Variants in VWA3A observed in about 807,000 individuals in gnomAD.
VWA3A encodes the protein von Willebrand factor A domain-containing protein 3A.
In VWA3A, 134 loss-of-function variants were observed where a neutral mutation model predicts 160.4. The ratio of observed to expected loss-of-function variants is 0.84; its 90% CI spans 0.73 to 0.96. VWA3A has a LOEUF of 0.96. Ranked by LOEUF, VWA3A falls within the 40% of genes least tolerant of loss-of-function variation. The pLI is 0.00. For missense variants in VWA3A, 1,310 were observed against 1,447.9 expected, an observed-to-expected ratio of 0.90 and a Z score of 1.55; for synonymous variants, 476 against 543.4, an observed-to-expected ratio of 0.88 and a Z score of 1.72.
At chr16:22,152,472 A>C in intron 30 of VWA3A, 39 bp from the exon 31 acceptor site, 4 of 1,607,532 alleles carry the variant, frequency 2.5e-6, no homozygotes, top group Non-Finnish European at 3.4e-6. Context: ...TTGCCTGGTC[A>C]GTCAGCCTTC....
chr16:22,115,603 A>G, intron 9 of VWA3A, 131 bp downstream of exon 9: 1 of 1,043,050 alleles, frequency 9.6e-7, no homozygotes, highest in Non-Finnish European at 1.3e-6. Context: ...AGGCCGAGAC[A>G]GGAGGATTGC....
intron 27 of VWA3A, among the ~76,000 whole-genome samples, chr16:22,147,319 C>T (rs1397100600): frequency 6.6e-6 from 1 of 152,144 alleles, no homozygotes; most frequent in African/African-American, 2.4e-5. Context: ...CTACTGTGTA[C>T]CTCTTTACAG....
intron 1 of VWA3A, among the ~76,000 whole-genome samples, chr16:22,093,878 C>T (rs954651639): frequency 1.3e-5 from 2 of 152,086 alleles, no homozygotes; most frequent in Non-Finnish European, 2.9e-5. Flanking sequence ...GACCTGCCCA[C>T]CCCATCCTCC....
chr16:22,137,550 G>T (rs1361788098), intron 21 of VWA3A, among the ~76,000 whole-genome samples: 1 of 152,182 alleles, frequency 6.6e-6, no homozygotes, highest in Non-Finnish European at 1.5e-5. Flanking sequence ...AGATATGCAT[G>T]GCAAGTCAAT....
chr16:22,096,720 G>A (rs1364819741), intron 1 of VWA3A, 139 bp from the exon 2 acceptor site: 6 of 593,518 alleles, frequency 1.0e-5, no homozygotes. Flanking sequence ...ACTCCAGCCT[G>A]GGCAACTAAG....
intron 30 of VWA3A, 88 bp from the exon 31 acceptor site, chr16:22,152,423 G>A (rs1025272898): frequency 1.3e-5 from 20 of 1,529,886 alleles, no homozygotes; most frequent in African/African-American, 1.4e-5. Flanking sequence ...TAAGCCCCAC[G>A]GACTTAAGTT....
At chr16:22,154,960 C>CAAAAAAAAAAAAAAAAAAAAAA (rs747770335) in intron 31 of VWA3A, among the ~76,000 whole-genome samples, 1 of 54,448 alleles carries the variant, frequency 1.8e-5, no homozygotes, top group Non-Finnish European at 3.8e-5. Flanking sequence ...GACTCCGTCT[C>CAAAAAAAAAAAAAAAAAAAAAA]AAAAAAAAAA....
Position 22,148,152 on chromosome 16 carries a change from C to T in VWA3A, c.2840-10C>T, listed in dbSNP as rs529359691. The T allele has an allele frequency of 1.4e-5, 22 of 1,592,772 alleles. No homozygotes were observed. The East Asian group carries it at 4.8e-4, about 34-fold the overall frequency. On this transcript the variant is annotated splice_polypyrimidine_tract_variant and intron_variant, in intron 27 of 33. Coordinates refer to ENST00000389398, the MANE Select transcript of VWA3A (RefSeq NM_173615.5). ...CCCTCCCTGCCTCTTCCCCACCTGTCTCGGAGCAGGGAGCCGCCGACTGTT... is the reference window on the plus strand; with the variant it reads ...CCCTCCCTGCCTCTTCCCCACCTGTTTCGGAGCAGGGAGCCGCCGACTGTT...
intron 12 of VWA3A, among the ~76,000 whole-genome samples, chr16:22,119,267 A>G (rs1257527825): frequency 1.3e-5 from 2 of 152,204 alleles, no homozygotes; most frequent in Non-Finnish European, 2.9e-5. Flanking sequence ...TTTATTTCAG[A>G]GAAAGACCAG....
chr16:22,136,438 G>T (rs2046041448), intron 21 of VWA3A, among the ~76,000 whole-genome samples: 1 of 152,090 alleles, frequency 6.6e-6, no homozygotes. Flanking sequence ...TACCCTACAG[G>T]CAGGTGGGAA....
intron 10 of VWA3A, 117 bp from the exon 11 acceptor site, chr16:22,116,994 G>T: frequency 7.0e-7 from 1 of 1,427,896 alleles, no homozygotes; most frequent in Non-Finnish European, 9.7e-7. Context: ...CCTGTGCCTG[G>T]TTCTCCCTTT....
At chr16:22,126,948 AAGATCAG>A (rs2045860410) in intron 17 of VWA3A, among the ~76,000 whole-genome samples, 1 of 149,494 alleles carries the variant, frequency 6.7e-6, no homozygotes, top group Non-Finnish European at 1.5e-5. Flanking sequence ...AAATACAACA[AAGATCAG>A]AGAGGTTTTG....
intron 17 of VWA3A, among the ~76,000 whole-genome samples, chr16:22,129,388 CAAAAA>C (rs1193879527): frequency 2.0e-5 from 2 of 99,388 alleles, no homozygotes; most frequent in Non-Finnish European, 4.8e-5. Context: ...GACTCCATCT[CAAAAA>C]AAAAAAAAAA....
intron 1 of VWA3A, among the ~76,000 whole-genome samples, chr16:22,093,284 A>G (rs1051510086): frequency 6.6e-6 from 1 of 152,170 alleles, no homozygotes; most frequent in Admixed American, 6.5e-5. Context: ...AATATATAGA[A>G]AATTTAAAAC....
In VWA3A at chr16:22,122,119, T is replaced by TGATGGATGGATGGATG. The variant is rs113111289; in HGVS notation, c.1356+522_1356+537dup. ...AGGATGGCAAGAAGAAGGAAAAGAA[T>TGATGGATGGATGGATG]GATGGATGGATGGATGGATGGATGG... On this transcript the variant is annotated intron_variant, in intron 14 of 33. Coordinates refer to ENST00000389398, the MANE Select transcript of VWA3A (RefSeq NM_173615.5). 3.2e-3 allele frequency among the ~76,000 whole-genome samples: 464 copies of TGATGGATGGATGGATG among 145,990 alleles called. 2 individuals are homozygous for TGATGGATGGATGGATG. Among genetic ancestry groups the TGATGGATGGATGGATG allele is most frequent in the African/African-American group, 0.011 (440 of 38,426 alleles).
Position 22,123,628 on chromosome 16 carries a change from G to C in VWA3A, c.1453G>C (p.Ala485Pro). Residue 485 changes from alanine to proline, a missense_variant, in exon 16 of 34, where the codon GCT (alanine) becomes CCT (proline). Transcript: ENST00000389398. ...LYKYQQQLSR[A>P]MRMYERRIEW... is the part of the protein sequence containing the mutation. ...ACTTCTGCAGCAACAGCTCAGCAGA[G>C]CTATGCGGATGTATGAGAGGCGGAT... 6.2e-7 allele frequency: 1 copy of C among 1,613,998 alleles called. No individual in the cohort carries two copies. Among genetic ancestry groups the C allele is most frequent in the Non-Finnish European group, 8.5e-7 (1 of 1,179,894 alleles).
chr16:22,109,436 A>G, intron 6 of VWA3A, 46 bp from the exon 7 acceptor site: 1 of 1,494,622 alleles, frequency 6.7e-7, no homozygotes, highest in Non-Finnish European at 9.1e-7. Flanking sequence ...TGTAGGAGAC[A>G]CACAGACTTG....
Position 22,138,479 on chromosome 16 carries a change from TC to T in VWA3A, c.2262del (p.Arg755GlyfsTer10), listed in dbSNP as rs746044735. 2.8e-5 allele frequency: 45 copies of T among 1,613,814 alleles called. 1 individual carries two copies. The highest frequency in any genetic ancestry group is 3.3e-4 in the Middle Eastern group (2 of 6,084). On this transcript the variant is annotated frameshift_variant, in exon 22 of 34. Transcript: ENST00000389398. LOFTEE classifies it high-confidence loss of function. ...GAAGTCAGCCCAAGAAGCTCTGCCC[TC>T]CCAGGCCCACCGTCCCCCTGGGGGC... is the stretch of plus-strand genomic sequence containing the variant. The part of the protein sequence containing the change: ...LRSQPKKLCP[P>X]RPTVPLGARM...
Position 22,100,417 on chromosome 16 carries a change from G to C in VWA3A, c.352G>C (p.Glu118Gln). 1.3e-6 allele frequency: 2 copies of C among 1,551,670 alleles called. No homozygotes were observed. Among genetic ancestry groups the C allele is most frequent in the Non-Finnish European group, 8.7e-7 (1 of 1,147,006 alleles). Residue 118 changes from glutamate to glutamine, a missense_variant and splice_region_variant, in exon 5 of 34, where the codon GAG (glutamate) becomes CAG (glutamine). By Grantham distance (29) the Glu-to-Gln change is conservative. Transcript: ENST00000389398. ...DLISQGTEVL[E>Q]EGTNVVQKIC... The stretch of plus-strand genomic sequence containing the variant: ...CCTCATAAGGCTTTGCTTCTTCAGG[G>C]AGGAGGGCACCAATGTCGTGCAGAA...
Sources: gnomAD v4.1 joint callset for allele counts (sites outside exome capture counted in the v4.1 genomes callset) on GRCh38, gnomAD v4.1.1 for gene constraint, MANE v1.5 for transcripts, NCBI Gene and HGNC (gene_info 2026-07-23, HGNC 2026-07-21) for gene names.